The following CNTN2 variants were observed in gnomAD, a reference collection of about 807,000 sequenced individuals.
CNTN2 encodes the protein contactin-2.
A neutral mutation model predicts 117.5 loss-of-function variants in CNTN2; 53 were observed. The ratio of observed to expected loss-of-function variants is 0.45; its 90% confidence interval spans 0.36 to 0.57. CNTN2 has a LOEUF of 0.57. Ranked by LOEUF, CNTN2 falls within the 20% of genes least tolerant of loss-of-function variation. The pLI, the probability that CNTN2 is intolerant of heterozygous loss-of-function variation, is 0.00. For missense variants in CNTN2, 1,106 were observed against 1,404.3 expected (o/e 0.79, Z 3.39); for synonymous variants, 530 against 561.7 (o/e 0.94, Z 0.80).
Position 205,073,854 on chromosome 1 carries a change from T to G in CNTN2, c.*89T>G. 2 of 1,069,254 alleles carry G rather than the reference T, an allele frequency of 1.9e-6. No individual in the cohort carries two copies. The highest frequency in any genetic ancestry group is 1.4e-6 in the Non-Finnish European group (1 of 711,994). The allele number at this position is 1,069,254 out of a possible 1,614,324, so 66.2% of individuals were successfully genotyped here. On this transcript the variant is annotated 3_prime_UTR_variant, in exon 23 of 23. Coordinates refer to ENST00000331830, the MANE Select transcript of CNTN2 (RefSeq NM_005076.5). This position sits in a 1 kb window ranked among gnomAD's most constrained non-coding sequence, Gnocchi z 6.3. ...TCCTGCTGCCAAGGTGGCCTGACAC[T>G]GTGCCAGAGAGTGGCTGGTTTTAAA...
rs749086610 is a variant in CNTN2 at position 205,061,456 on chromosome 1, AC to A, written c.973+42del. 10 of 1,527,872 alleles carry A rather than the reference AC, an allele frequency of 6.5e-6. No homozygotes were observed. The highest frequency in any genetic ancestry group is 4.9e-5 in the South Asian group (4 of 82,000). 94.6% of individuals were successfully genotyped at this position (1,527,872 alleles called of 1,614,324 possible). A position where few individuals can be genotyped will look rare whatever the true frequency, so the allele number is the denominator to read the frequency against. On this transcript the variant is annotated intron_variant, in intron 8 of 22. Transcript: ENST00000331830. This position sits in a 1 kb window ranked among gnomAD's most constrained non-coding sequence, Gnocchi z 4.8. ...AGGGACACCTTCTCCGCCCCTCCCG[AC>A]CCCCCTTCCCGCCTTCACCCTTGTC...
intron 2 of CNTN2, among the ~76,000 whole-genome samples, chr1:205,056,187 T>C (rs1653598638): frequency 6.6e-6 from 1 of 152,280 alleles, no homozygotes; most frequent in African/African-American, 2.4e-5. Context: ...CAACATGCCC[T>C]GAGCCCACTC....
chr1:205,048,861 G>GCCTCA lies in CNTN2; in HGVS notation c.-86-4235_-86-4231dup, dbSNP rs1344254625. ...TGCAGGGCAAGACTGGACGCCAACT[G>GCCTCA]CCTCACCTTTAGGGAGGCAAGGAGC... On this transcript the variant is annotated intron_variant, in intron 1 of 22. Transcript: ENST00000331830. This position sits in a 1 kb window ranked among gnomAD's most constrained non-coding sequence, Gnocchi z 4.1. 1.3e-5 allele frequency among the ~76,000 whole-genome samples: 2 copies of GCCTCA among 151,728 alleles called. No individual in the cohort carries two copies. Among genetic ancestry groups the GCCTCA allele is most frequent in the Non-Finnish European group, 2.9e-5 (2 of 67,970 alleles).
In CNTN2 at chr1:205,072,252, G is replaced by A. The variant is rs1196799334; in HGVS notation, c.2731+119G>A. On this transcript the variant is annotated intron_variant, in intron 20 of 22. Transcript: ENST00000331830. ...TAGCCCACCAGCTCTGGGCTGAACA[G>A]AAATTAGGCAGCGAGCCTAATGGAA... The A allele has an allele frequency of 1.2e-5, 13 of 1,106,882 alleles. 1 individual carries two copies. Among genetic ancestry groups the A allele is most frequent in the Non-Finnish European group, 1.7e-5 (13 of 778,070 alleles). The allele number at this position is 1,106,882 out of a possible 1,614,324, so 68.6% of individuals were successfully genotyped here.
intron 1 of CNTN2, among the ~76,000 whole-genome samples, chr1:205,044,647 C>T (rs2096438218): frequency 6.6e-6 from 1 of 152,200 alleles, no homozygotes; most frequent in Non-Finnish European, 1.5e-5. Flanking sequence ...GCCTCCTCTC[C>T]CAACCGTCTG....
chr1:205,044,269 G>T (rs988611911), intron 1 of CNTN2, among the ~76,000 whole-genome samples: 2 of 152,140 alleles, frequency 1.3e-5, no homozygotes, highest in Non-Finnish European at 2.9e-5. Flanking sequence ...GGCTGGAGGT[G>T]GGGGGCAGCC....
At chr1:205,062,720 G>T in intron 10 of CNTN2, 151 bp downstream of exon 10, 1 of 906,792 alleles carries the variant, frequency 1.1e-6, no homozygotes, top group African/African-American at 1.7e-5. Flanking sequence ...AGAACTCAGA[G>T]ATTTAAGAAA....
intron 18 of CNTN2, 48 bp downstream of exon 18, chr1:205,070,109 C>T (rs1176354030): frequency 1.9e-6 from 3 of 1,570,470 alleles, no homozygotes; most frequent in East Asian, 2.3e-5. Context: ...AGCCACTTGT[C>T]CACAGGGATG....
intron 10 of CNTN2, chr1:205,063,184 A>G (rs1213714838): frequency 6.6e-6 from 1 of 152,276 alleles, no homozygotes; most frequent in Non-Finnish European, 1.5e-5. Context: ...TCATCCATTC[A>G]ACCACTACTT....
At chr1:205,060,914 C>T (rs1057286689) in intron 7 of CNTN2, 3 of 265,432 alleles carry the variant, frequency 1.1e-5, no homozygotes, top group South Asian at 1.1e-4. Context: ...GCCACTGTGG[C>T]GGAGGGCAGA....
rs1330386390 is a variant in CNTN2 at position 205,069,995 on chromosome 1, C to T, written c.2365C>T (p.Arg789Cys). 8 of 1,613,514 alleles carry T rather than the reference C, an allele frequency of 5.0e-6. No individual in the cohort carries two copies. The highest frequency in any genetic ancestry group is 1.3e-5 in the African/African-American group (1 of 74,930). The change falls in exon 18 of 23, where the codon CGC becomes TGC. Residue 789 changes from arginine (R) to cysteine (C), a missense_variant. Coordinates refer to ENST00000331830, the MANE Select transcript of CNTN2 (RefSeq NM_005076.5). ...CTACACGCCCTTTGAGGTCAAGATC[C>T]GCAGCTACAACCGCCGCGGGGATGG... is the stretch of plus-strand genomic sequence containing the variant. ...RPYTPFEVKI[R>C]SYNRRGDGPE...
chr1:205,048,227 C>A lies in CNTN2; in HGVS notation c.-87+4833C>A, dbSNP rs961622595. Among the ~76,000 whole-genome samples the A allele has an allele frequency of 9.2e-5, 14 of 152,154 alleles. No homozygotes were observed. The highest frequency in any genetic ancestry group is 5.2e-4 in the Admixed American group (8 of 15,276). On this transcript the variant is annotated intron_variant, in intron 1 of 22. Transcript: ENST00000331830. The surrounding 1 kb of genome is among the most constrained non-coding windows in gnomAD (Gnocchi z 4.1). ...GGAGAAGGGGAGACAGATTCAGGGCCAGGAGCTGGGCATCCCAGTAGGGAG... is the reference window on the plus strand; with the variant it reads ...GGAGAAGGGGAGACAGATTCAGGGCAAGGAGCTGGGCATCCCAGTAGGGAG...
chr1:205,071,639 G>A (rs951789430), intron 19 of CNTN2, among the ~76,000 whole-genome samples: 2 of 152,176 alleles, frequency 1.3e-5, no homozygotes, highest in Non-Finnish European at 2.9e-5. Flanking sequence ...AATGCCCACG[G>A]TAGCCCCCCA....
chr1:205,072,338 C>A, intron 20 of CNTN2, 145 bp from the exon 21 acceptor site: 1 of 805,244 alleles, frequency 1.2e-6, no homozygotes, highest in Non-Finnish European at 1.9e-6. Flanking sequence ...TTTGGATTTT[C>A]ATGGGCTTTG....
In CNTN2 at chr1:205,058,045, C is replaced by T. The variant is rs750251767; in HGVS notation, c.195C>T (p.Ala65=). ...TGTTGCTGGCATGCCGCGCCCGGGC[C>T]AGCCCTCCAGCCACCTATCGGTAAG... ...EQVLLACRAR[A]SPPATYRWKM... Residue 65 remains alanine (A), a synonymous_variant, in exon 3 of 23, where the codon GCC becomes GCT. Transcript: ENST00000331830. The surrounding 1 kb of genome is among the most constrained non-coding windows in gnomAD (Gnocchi z 4.3). The T allele has an allele frequency of 6.2e-7, 1 of 1,613,362 alleles. No individual in the cohort carries two copies. The highest frequency in any genetic ancestry group is 1.7e-5 in the Admixed American group (1 of 59,988).
intron 12 of CNTN2, 139 bp downstream of exon 12, chr1:205,064,889 C>A: frequency 7.5e-7 from 1 of 1,341,792 alleles, no homozygotes; most frequent in Non-Finnish European, 1.0e-6. Context: ...TGGGACCACC[C>A]CCTGGCCACC....
intron 1 of CNTN2, among the ~76,000 whole-genome samples, chr1:205,049,818 AG>A (rs1025653003): frequency 1.3e-5 from 2 of 152,238 alleles, no homozygotes; most frequent in African/African-American, 4.8e-5. Context: ...CTTTGTTTAA[AG>A]GGAACTTCAT....
Position 205,074,335 on chromosome 1 carries a change from C to T in CNTN2, c.*570C>T, listed in dbSNP as rs918494343. 5.0e-6 allele frequency: 2 copies of T among 400,100 alleles called. No individual in the cohort carries two copies. Among genetic ancestry groups the T allele is most frequent in the East Asian group, 3.6e-5 (1 of 28,066 alleles). The allele number at this position is 400,100 out of a possible 1,614,324, so 24.8% of individuals were successfully genotyped here. A position where few individuals can be genotyped will look rare whatever the true frequency, so the allele number is the denominator to read the frequency against. On this transcript the variant is annotated 3_prime_UTR_variant, in exon 23 of 23. Coordinates refer to ENST00000331830, the MANE Select transcript of CNTN2 (RefSeq NM_005076.5). The stretch of plus-strand genomic sequence containing the variant: ...CCCTAGGGGCTCCTGCCTGCCCAAG[C>T]GGCTGAGAACCAGCGCCCCGATGCC...
chr1:205,046,127 CT>C (rs2096441189), intron 1 of CNTN2, among the ~76,000 whole-genome samples: 2 of 152,174 alleles, frequency 1.3e-5, no homozygotes, highest in Admixed American at 1.3e-4. Context: ...GCTCCGTATC[CT>C]GACGGTAACC....
Sources: gnomAD v4.1 joint callset for allele counts (sites outside exome capture counted in the v4.1 genomes callset) on GRCh38, gnomAD v4.1.1 for gene constraint, Gnocchi (gnomAD v3.1) non-coding constraint, MANE v1.5 for transcripts, NCBI Gene and HGNC (gene_info 2026-07-23, HGNC 2026-07-21) for gene names.